The following RAI1 variants were observed in gnomAD, a reference collection of about 807,000 sequenced individuals.
RAI1 encodes the protein retinoic acid-induced protein 1.
Under a neutral mutation model 123.8 loss-of-function variants are expected in RAI1, and 9 were observed. That is an observed-to-expected ratio of 0.07 (90% CI 0.04 to 0.13). The LOEUF (loss-of-function observed/expected upper bound fraction) is 0.13. Among genes scored for constraint, RAI1 ranks in the 10% least tolerant of loss-of-function variants. The pLI, the probability that RAI1 is intolerant of heterozygous loss-of-function variation, is 1.00. For synonymous variants in RAI1, 1,231 were observed against 1,127.3 expected (o/e 1.09, Z -1.84); for missense variants, 2,256 against 2,545.8 (o/e 0.89, Z 2.45).
Position 17,796,527 on chromosome 17 carries a change from C to T in RAI1, c.3579C>T (p.Pro1193=). 1 of 1,611,102 alleles carries T rather than the reference C, an allele frequency of 6.2e-7. No homozygotes were observed. The highest frequency in any genetic ancestry group is 8.5e-7 in the Non-Finnish European group (1 of 1,179,928). Residue 1193 remains proline, a synonymous_variant, in exon 3 of 6, where the codon CCC becomes CCT. Transcript: ENST00000353383. The surrounding 1 kb of genome is among the most constrained non-coding windows in gnomAD (Gnocchi z 5.8). ...LPATFKVSSS[P]QKEGRVSQRA... ...CCACATTCAAGGTCTCCAGCAGCCC[C>T]CAGAAGGAGGGCAGGGTGAGCCAGC...
At chr17:17,778,985 C>T in intron 2 of RAI1, 1 of 439,352 alleles carries the variant, frequency 2.3e-6, no homozygotes, top group Non-Finnish European at 4.6e-6. Context: ...GTATTCTGTT[C>T]ACTCTGGGAG....
At chr17:17,743,601 C>A (rs889028411) in intron 2 of RAI1, among the ~76,000 whole-genome samples, 2 of 152,224 alleles carry the variant, frequency 1.3e-5, no homozygotes, top group African/African-American at 4.8e-5. Context: ...CGCAGCAGAC[C>A]CCACACACGT....
At chr17:17,733,392 C>G (rs1916330501) in intron 2 of RAI1, among the ~76,000 whole-genome samples, 2 of 152,150 alleles carry the variant, frequency 1.3e-5, no homozygotes, top group Non-Finnish European at 2.9e-5. Flanking sequence ...GGAATAATAC[C>G]ATGTTCTCCT....
rs1458291970 is a variant in RAI1 at position 17,805,933 on chromosome 17, CA to C, written c.5659+2085del. 5.3e-5 allele frequency among the ~76,000 whole-genome samples: 8 copies of C among 152,300 alleles called. No homozygotes were observed. In the East Asian group the frequency reaches 5.8e-4, roughly 11 times the overall value. On this transcript the variant is annotated intron_variant, in intron 4 of 5. Coordinates refer to ENST00000353383, the MANE Select transcript of RAI1 (RefSeq NM_030665.4). ...GAACCATGTTGTTTCCAGCCATCTTCACAGATTGGCTGCCTCACCCACAGCA... is the reference window on the plus strand; with the variant it reads ...GAACCATGTTGTTTCCAGCCATCTTCCAGATTGGCTGCCTCACCCACAGCA...
intron 1 of RAI1, among the ~76,000 whole-genome samples, chr17:17,706,221 G>C (rs1915390354): frequency 6.6e-6 from 1 of 151,954 alleles, no homozygotes. Flanking sequence ...GGCGAGGGAA[G>C]GAATGGCACT....
chr17:17,804,389 TC>T (rs1191588743), intron 4 of RAI1, among the ~76,000 whole-genome samples: 2 of 152,112 alleles, frequency 1.3e-5, no homozygotes, highest in African/African-American at 4.8e-5. Context: ...CCCCGGTCCT[TC>T]CTCTCACTCA....
rs1906000626 is a variant in RAI1, at chr17:17,801,351, T to C, written c.5566-2405T>C. Among the ~76,000 whole-genome samples the C allele has an allele frequency of 6.6e-6, 1 of 152,162 alleles. No individual in the cohort carries two copies. Among genetic ancestry groups the C allele is most frequent in the South Asian group, 2.1e-4 (1 of 4,830 alleles). On this transcript the variant is annotated intron_variant, in intron 3 of 5. Transcript: ENST00000353383. The surrounding 1 kb of genome is among the most constrained non-coding windows in gnomAD (Gnocchi z 4.1). Reference sequence around the variant, plus strand: ...ACATGCCGCCACCCCTGCCCTCCTCTTGGGTAGCTGGGGTCAGAAGGGCCT... The same window carrying C: ...ACATGCCGCCACCCCTGCCCTCCTCCTGGGTAGCTGGGGTCAGAAGGGCCT...
chr17:17,796,987 A>G lies in RAI1; in HGVS notation c.4039A>G (p.Lys1347Glu), dbSNP rs34521483. 1,598 of 1,613,858 alleles carry G rather than the reference A, an allele frequency of 9.9e-4. 1 individual carries two copies. The highest frequency in any genetic ancestry group is 1.3e-3 in the Non-Finnish European group (1,495 of 1,180,040). Reference protein sequence around the residue: ...TSPSLKKFACKAPGASPGNPL... With the variant: ...TSPSLKKFACEAPGASPGNPL... ...GCCCAGCCTCAAGAAGTTCGCATGT[A>G]AAGCGCCAGGGGCCTCTCCTGGTAA... The change falls in exon 3 of 6, where the codon AAA (lysine) becomes GAA (glutamate). Residue 1347 changes from lysine (K) to glutamate (E), a missense_variant. Lys to Glu is a moderately conservative substitution (Grantham distance 56, BLOSUM62 1). Around this residue, in one of 7 missense-constraint regions of RAI1, gnomAD observed 322 missense variants for 358.0 expected, o/e 0.90. Transcript: ENST00000353383. The surrounding 1 kb of genome is among the most constrained non-coding windows in gnomAD (Gnocchi z 5.8).
At chr17:17,785,344 A>G (rs1452226318) in intron 2 of RAI1, among the ~76,000 whole-genome samples, 2 of 152,240 alleles carry the variant, frequency 1.3e-5, no homozygotes, top group African/African-American at 4.8e-5. Context: ...CACAGAACCC[A>G]GCACCCCAAT....
At chr17:17,758,960 CCTTGAAT>C (rs1247478350) in intron 2 of RAI1, among the ~76,000 whole-genome samples, 1 of 152,080 alleles carries the variant, frequency 6.6e-6, no homozygotes, top group East Asian at 1.9e-4. Context: ...GGGTGCAGGA[CCTTGAAT>C]GCAAGCAAGA....
chr17:17,748,286 C>CA (rs1205498579), intron 2 of RAI1, among the ~76,000 whole-genome samples: 1 of 152,174 alleles, frequency 6.6e-6, no homozygotes, highest in Admixed American at 6.5e-5. Flanking sequence ...AGTGCCATGC[C>CA]AGGGGCCATC....
At chr17:17,727,466 C>T (rs971867051) in intron 2 of RAI1, among the ~76,000 whole-genome samples, 2 of 152,224 alleles carry the variant, frequency 1.3e-5, no homozygotes, top group African/African-American at 4.8e-5. Flanking sequence ...CCCCTGGTGC[C>T]GCCAGCTGGA....
At chr17:17,783,721 C>G (rs55646572) in intron 2 of RAI1, among the ~76,000 whole-genome samples, 14,230 of 151,714 alleles carry the variant, frequency 0.094, 1,027 homozygotes, top group African/African-American at 0.19. Context: ...CGGATCTGGT[C>G]CTGGCCGGGG....
Position 17,708,049 on chromosome 17 carries a change from C to T in RAI1, c.-148-15979C>T, listed in dbSNP as rs185326922. Among the ~76,000 whole-genome samples the T allele has an allele frequency of 2.0e-5, 3 of 152,296 alleles. No individual in the cohort carries two copies. The East Asian group carries it at 5.8e-4, about 29-fold the overall frequency. ...AGGCTCTGGCAGACCTCAGAAGCTG[C>T]AGCCACATCGACCAAGCTGACCCCA... On this transcript the variant is annotated intron_variant, in intron 1 of 5. Transcript: ENST00000353383.
In RAI1 at chr17:17,810,230, C is replaced by T. The variant is rs1289688784; in HGVS notation, c.*249C>T. The T allele has an allele frequency of 5.2e-6, 3 of 572,608 alleles. No homozygotes were observed. Among genetic ancestry groups the T allele is most frequent in the Non-Finnish European group, 9.0e-6 (3 of 334,644 alleles). 35.5% of individuals were successfully genotyped at this position (572,608 alleles called of 1,614,324 possible). ...ACCGGACGGCACAGGGCGTTCTTGC[C>T]CACCCCAGGGGCCAGGCTTGCGGAG... On this transcript the variant is annotated 3_prime_UTR_variant, in exon 6 of 6. Transcript: ENST00000353383. This position sits in a 1 kb window ranked among gnomAD's most constrained non-coding sequence, Gnocchi z 4.6.
Position 17,793,779 on chromosome 17 carries a change from C to G in RAI1, c.831C>G (p.Asp277Glu). The G allele has an allele frequency of 3.7e-6, 5 of 1,357,286 alleles. No homozygotes were observed. Among genetic ancestry groups the G allele is most frequent in the Admixed American group, 5.3e-5 (2 of 37,550 alleles). 84.1% of individuals were successfully genotyped at this position (1,357,286 alleles called of 1,614,324 possible). Residue 277 changes from aspartate to glutamate, a missense_variant, in exon 3 of 6, where the codon GAC (aspartate) becomes GAG (glutamate). Asp to Glu is a conservative substitution (Grantham distance 45). Around this residue, in one of 7 missense-constraint regions of RAI1, gnomAD observed 357 missense variants for 480.2 expected, o/e 0.74. Transcript: ENST00000353383. ...HAYQSGRLSY[D>E]QQQQQQQQQQ... ...ACCAGTCGGGCCGCCTCAGCTATGA[C>G]CAGCAGCAGCAGCAGCAGCAGCAGC...
chr17:17,750,896 G>C (rs1275700778), intron 2 of RAI1, among the ~76,000 whole-genome samples: 1 of 152,174 alleles, frequency 6.6e-6, no homozygotes. Context: ...CCAAGGGTGG[G>C]GAGGTGGTTG....
At chr17:17,715,280 G>C (rs1405929716) in intron 1 of RAI1, among the ~76,000 whole-genome samples, 2 of 152,260 alleles carry the variant, frequency 1.3e-5, no homozygotes, top group African/African-American at 2.4e-5. Flanking sequence ...CACTGGTGTG[G>C]AAGGTAAATA....
intron 1 of RAI1, among the ~76,000 whole-genome samples, chr17:17,687,149 G>A (rs569777466): frequency 7.2e-5 from 11 of 152,200 alleles, no homozygotes; most frequent in Admixed American, 7.2e-4. Context: ...CGCCCGGCTA[G>A]TTGAGCAACC....
Sources: gnomAD v4.1 joint callset for allele counts (sites outside exome capture counted in the v4.1 genomes callset) on GRCh38, gnomAD v4.1.1 for gene constraint, gnomAD v4.1.1 regional missense constraint, Gnocchi (gnomAD v3.1) non-coding constraint, MANE v1.5 for transcripts, NCBI Gene and HGNC (gene_info 2026-07-23, HGNC 2026-07-21) for gene names.